Variants in NHEJ1 observed in about 807,000 individuals in gnomAD.
NHEJ1 encodes non-homologous end-joining factor 1.
NHEJ1 carries 22 observed loss-of-function variants against 39.4 expected under a neutral mutation model. The observed-to-expected ratio is 0.56, with a 90% CI of 0.40 to 0.80. The LOEUF (loss-of-function observed/expected upper bound fraction) is 0.80, where lower values mean the gene tolerates loss of function less well. NHEJ1 is among the 30% of genes least tolerant of loss of function. The pLI, the probability that NHEJ1 is intolerant of heterozygous loss-of-function variation, is 0.00. For missense variants in NHEJ1, 329 were observed against 357.1 expected (o/e 0.92, Z 0.63); for synonymous variants, 154 against 135.6 (o/e 1.14, Z -0.94).
intron 5 of NHEJ1, chr2:219,095,463 C>T (rs1017104711): frequency 5.2e-6 from 2 of 384,110 alleles, no homozygotes; most frequent in Non-Finnish European, 1.1e-5. Context: ...TGCTTTAAAC[C>T]TAATGGTCAC....
At position 219,158,207 on chromosome 2, in the gene NHEJ1, A is replaced by G; in HGVS notation, c.156T>C (p.Ser52=). 2 of 1,614,044 alleles carry G rather than the reference A, an allele frequency of 1.2e-6. No homozygotes were observed. Among genetic ancestry groups the G allele is most frequent in the Non-Finnish European group, 1.7e-6 (2 of 1,180,016 alleles). Residue 52 remains serine (S), a synonymous_variant, in exon 2 of 8, where the codon AGT becomes AGC. Coordinates refer to ENST00000356853, the MANE Select transcript of NHEJ1 (RefSeq NM_024782.3). The part of the protein sequence containing the change: ...QQVWHEQVDT[S]VVSQRAKELN... Reference sequence around the variant, plus strand: ...TTACCTTGGCTCGCTGGCTGACCACACTAGTGTCCACCTGTTCATGCCACA... The same window carrying G: ...TTACCTTGGCTCGCTGGCTGACCACGCTAGTGTCCACCTGTTCATGCCACA...
rs188616041 is a variant in NHEJ1 at position 219,158,456 on chromosome 2, T to G, written c.1-94A>C. 1.1e-4 allele frequency: 138 copies of G among 1,206,380 alleles called. 2 individuals carry two copies. The East Asian group carries it at 2.5e-3, about 22-fold the overall frequency. 74.7% of individuals were successfully genotyped at this position (1,206,380 alleles called of 1,614,324 possible). A position where few individuals can be genotyped will look rare whatever the true frequency, so the allele number is the denominator to read the frequency against. ...CCAGTCTGTATCAACTAAAATCTCA[T>G]GAAAATCCTCCCTGATAAAATAGAA... On this transcript the variant is annotated intron_variant, in intron 1 of 7. Coordinates refer to ENST00000356853, the MANE Select transcript of NHEJ1 (RefSeq NM_024782.3).
At chr2:219,143,331 A>C (rs961228071) in intron 5 of NHEJ1, among the ~76,000 whole-genome samples, 1 of 152,176 alleles carries the variant, frequency 6.6e-6, no homozygotes, top group Non-Finnish European at 1.5e-5. Flanking sequence ...CTACAGCCCC[A>C]GTAGGAAACC....
intron 5 of NHEJ1, among the ~76,000 whole-genome samples, chr2:219,140,834 A>T (rs1424025257): frequency 6.6e-6 from 1 of 152,238 alleles, no homozygotes; most frequent in Non-Finnish European, 1.5e-5. Context: ...TAAAGATGTT[A>T]TAGTGGAATG....
At chr2:219,108,840 T>A (rs1949337536) in intron 5 of NHEJ1, among the ~76,000 whole-genome samples, 1 of 152,150 alleles carries the variant, frequency 6.6e-6, no homozygotes, top group East Asian at 1.9e-4. Flanking sequence ...TTCTAAGGTA[T>A]AAGAGTTAAT....
At chr2:219,152,912 C>T (rs1949811541) in intron 3 of NHEJ1, among the ~76,000 whole-genome samples, 1 of 152,134 alleles carries the variant, frequency 6.6e-6, no homozygotes, top group African/African-American at 2.4e-5. Context: ...AAGCAATTCT[C>T]TTACCTCAGC....
At chr2:219,091,088 G>A (rs930652744) in intron 5 of NHEJ1, among the ~76,000 whole-genome samples, 1 of 152,008 alleles carries the variant, frequency 6.6e-6, no homozygotes, top group Non-Finnish European at 1.5e-5. Context: ...ATTCAGTTTG[G>A]GGGTAGAGAC....
chr2:219,094,755 CT>C (rs545910362), intron 5 of NHEJ1, among the ~76,000 whole-genome samples: 71 of 152,166 alleles, frequency 4.7e-4, no homozygotes, highest in African/African-American at 1.7e-3. Context: ...TGCTAACCCC[CT>C]ATCCTCAGGC....
chr2:219,158,185 C>T lies in NHEJ1; in HGVS notation c.177+1G>A, dbSNP rs2106369643. The T allele has an allele frequency of 1.2e-6, 2 of 1,614,156 alleles. No homozygotes were observed. The highest frequency in any genetic ancestry group is 1.7e-6 in the Non-Finnish European group (2 of 1,180,044). On this transcript the variant is annotated splice_donor_variant, in intron 2 of 7. Coordinates refer to ENST00000356853, the MANE Select transcript of NHEJ1 (RefSeq NM_024782.3). LOFTEE classifies it high-confidence loss of function. ...ACAGCAGTACTTCTCCTCATACTTA[C>T]CTTGGCTCGCTGGCTGACCACACTA...
chr2:219,084,498 T>A (rs1048259820), intron 5 of NHEJ1, among the ~76,000 whole-genome samples: 1 of 152,172 alleles, frequency 6.6e-6, no homozygotes, highest in Non-Finnish European at 1.5e-5. Flanking sequence ...CTGTCCCCCA[T>A]CACCACACTA....
At chr2:219,100,717 A>C (rs76039907) in intron 5 of NHEJ1, among the ~76,000 whole-genome samples, 2,956 of 152,154 alleles carry the variant, frequency 0.019, 98 homozygotes, top group African/African-American at 0.067. Context: ...TCCCACAGGG[A>C]CCAAGAATCC....
At chr2:219,146,811 C>A in intron 4 of NHEJ1, 73 bp from the exon 5 acceptor site, 1 of 1,129,914 alleles carries the variant, frequency 8.9e-7, no homozygotes, top group Admixed American at 1.7e-5. Flanking sequence ...GGAAAGGGAA[C>A]AGAACAGGGC....
At chr2:219,147,868 A>C in intron 3 of NHEJ1, 73 bp from the exon 4 acceptor site, 1 of 1,462,400 alleles carries the variant, frequency 6.8e-7, no homozygotes, top group Non-Finnish European at 9.5e-7. Flanking sequence ...TAGGTACCAG[A>C]AAAAATACCG....
rs1442243933 is a variant in NHEJ1 at position 219,071,130 on chromosome 2, A to AC, written c.*5250dup. ...CACTGCTCTTGATCCCTGAGTGGAG[A>AC]CCCACACCCTGTGGGGCTTCCCTAC... On this transcript the variant is annotated 3_prime_UTR_variant, in exon 8 of 8. Coordinates refer to ENST00000356853, the MANE Select transcript of NHEJ1 (RefSeq NM_024782.3). Among the ~76,000 whole-genome samples the AC allele has an allele frequency of 6.6e-6, 1 of 152,068 alleles. No homozygotes were observed. Among genetic ancestry groups the AC allele is most frequent in the Non-Finnish European group, 1.5e-5 (1 of 68,012 alleles).
intron 5 of NHEJ1, among the ~76,000 whole-genome samples, chr2:219,123,931 T>C (rs1949493785): frequency 6.6e-6 from 1 of 152,228 alleles, no homozygotes; most frequent in Non-Finnish European, 1.5e-5. Context: ...TACTTGAAGT[T>C]TTATTAGTGC....
intron 5 of NHEJ1, among the ~76,000 whole-genome samples, chr2:219,082,144 T>A (rs961161787): frequency 6.6e-6 from 1 of 152,232 alleles, no homozygotes; most frequent in Non-Finnish European, 1.5e-5. Context: ...AAACTCTTAG[T>A]ACTTCCTCAT....
At chr2:219,128,612 CG>C (rs1353536298) in intron 5 of NHEJ1, among the ~76,000 whole-genome samples, 1 of 152,078 alleles carries the variant, frequency 6.6e-6, no homozygotes, top group Non-Finnish European at 1.5e-5. Context: ...CATCCAAGCA[CG>C]CGACTTCCAG....
chr2:219,126,745 C>T (rs1158118712), intron 5 of NHEJ1, among the ~76,000 whole-genome samples: 2 of 152,168 alleles, frequency 1.3e-5, no homozygotes, highest in Admixed American at 6.5e-5. Context: ...ATAAGAAGGG[C>T]AAGTAAACTG....
At chr2:219,148,306 C>A (rs1427494805) in intron 3 of NHEJ1, among the ~76,000 whole-genome samples, 1 of 152,182 alleles carries the variant, frequency 6.6e-6, no homozygotes. Context: ...GTAATCCCAG[C>A]ACTCTGGGAG....
Sources: allele counts gnomAD v4.1 joint callset (sites outside exome capture counted in the v4.1 genomes callset), GRCh38; gene constraint gnomAD v4.1.1; transcripts MANE v1.5; gene names NCBI Gene and HGNC (gene_info 2026-07-23, HGNC 2026-07-21).